MAPK14: variants seen among roughly 807,000 people sequenced by gnomAD.
The protein encoded by MAPK14 is CSAID-binding protein.
In MAPK14, 16 loss-of-function variants were observed where a neutral mutation model predicts 49.6. That is an observed-to-expected ratio of 0.32 (90% CI 0.22 to 0.49). The LOEUF (loss-of-function observed/expected upper bound fraction) is 0.49. Among genes scored for constraint, MAPK14 ranks in the 20% least tolerant of loss-of-function variants. The pLI is 0.99. For synonymous variants in MAPK14, 142 were observed against 158.0 expected (o/e 0.90, Z 0.76); for missense variants, 200 against 441.2 (o/e 0.45, Z 4.90).
intron 10 of MAPK14, among the ~76,000 whole-genome samples, chr6:36,106,288 A>C (rs1765794942): frequency 6.6e-6 from 1 of 152,184 alleles, no homozygotes; most frequent in African/African-American, 2.4e-5. Flanking sequence ...AAAGAAGCAA[A>C]ATCAGACACA....
rs531480091 is a variant in MAPK14, at chr6:36,101,548, C to T, written c.763-1023C>T. Among the ~76,000 whole-genome samples, 9 of 151,978 alleles carry T rather than the reference C, an allele frequency of 5.9e-5. No homozygotes were observed. The South Asian group carries it at 1.0e-3, about 18-fold the overall frequency. On this transcript the variant is annotated intron_variant, in intron 9 of 11. Transcript: ENST00000229794. ...TCACCCCAGCTGGAGTGCAGTGGCACGATCTTAGCTCACTGGAACCTCCAC... is the reference window on the plus strand; with the variant it reads ...TCACCCCAGCTGGAGTGCAGTGGCATGATCTTAGCTCACTGGAACCTCCAC...
intron 8 of MAPK14, among the ~76,000 whole-genome samples, chr6:36,085,960 C>G (rs1764967365): frequency 1.3e-5 from 2 of 152,202 alleles, no homozygotes; most frequent in African/African-American, 4.8e-5. Context: ...CACACAGCCT[C>G]TCACACCACA....
chr6:36,107,611 T>A lies in MAPK14; in HGVS notation c.998T>A (p.Leu333His). The A allele has an allele frequency of 6.3e-7, 1 of 1,577,516 alleles. No homozygotes were observed. Among genetic ancestry groups the A allele is most frequent in the Non-Finnish European group, 8.6e-7 (1 of 1,164,766 alleles). ...CAGTCCTTTGAAAGCAGGGACCTCCTTATAGATGAGTGGAAAAGTAAGTCC... is the reference window on the plus strand; with the variant it reads ...CAGTCCTTTGAAAGCAGGGACCTCCATATAGATGAGTGGAAAAGTAAGTCC... ...YDQSFESRDL[L>H]IDEWKSLTYD... Residue 333 changes from leucine (L) to histidine (H), a missense_variant, in exon 11 of 12, where the codon CTT (leucine) becomes CAT (histidine). By Grantham distance (99) the Leu-to-His change is moderately conservative. Around this residue, in one of 2 missense-constraint regions of MAPK14, gnomAD observed 170 missense variants for 407.0 expected, o/e 0.42. Transcript: ENST00000229794. This position sits in a 1 kb window ranked among gnomAD's most constrained non-coding sequence, Gnocchi z 4.3.
At chr6:36,040,402 G>C (rs905758798) in intron 1 of MAPK14, among the ~76,000 whole-genome samples, 3 of 152,144 alleles carry the variant, frequency 2.0e-5, no homozygotes, top group African/African-American at 4.8e-5. Flanking sequence ...ATTTGATTGA[G>C]TAAAAACTAG....
intron 9 of MAPK14, among the ~76,000 whole-genome samples, chr6:36,102,045 C>T (rs1349966749): frequency 1.3e-5 from 2 of 152,194 alleles, no homozygotes; most frequent in African/African-American, 4.8e-5. Context: ...TTCACTCCAA[C>T]CCTGTGAGGT....
At chr6:36,119,862 A>G in the MAPK14 span, among the ~76,000 whole-genome samples, 1 of 152,184 alleles carries the variant, frequency 6.6e-6, no homozygotes, top group African/African-American at 2.4e-5. Flanking sequence ...CTCACCAACA[A>G]CCTTAAGTGA....
intron 3 of MAPK14, among the ~76,000 whole-genome samples, chr6:36,071,101 G>T (rs1399732197): frequency 6.6e-6 from 1 of 152,074 alleles, no homozygotes. Flanking sequence ...GGGAGGCCAT[G>T]GTGGGTGGAT....
At chr6:36,044,492 C>A (rs1296708829) in intron 1 of MAPK14, among the ~76,000 whole-genome samples, 2 of 151,904 alleles carry the variant, frequency 1.3e-5, no homozygotes, top group African/African-American at 4.8e-5. Context: ...ATTTATTGAT[C>A]TGCCATTACC....
chr6:36,030,102 T>C (rs1762481345), intron 1 of MAPK14, among the ~76,000 whole-genome samples: 2 of 152,214 alleles, frequency 1.3e-5, no homozygotes, highest in South Asian at 2.1e-4. Flanking sequence ...TTTTCAATGC[T>C]ATTTAAATTT....
At chr6:36,045,683 C>G (rs568765588) in intron 1 of MAPK14, among the ~76,000 whole-genome samples, 1 of 151,936 alleles carries the variant, frequency 6.6e-6, no homozygotes, top group African/African-American at 2.4e-5. Context: ...GTGGCATGCA[C>G]CTGTAGTCCC....
At chr6:36,048,858 T>C (rs1481658094) in intron 1 of MAPK14, among the ~76,000 whole-genome samples, 1 of 152,198 alleles carries the variant, frequency 6.6e-6, no homozygotes, top group Non-Finnish European at 1.5e-5. Context: ...GAGTTTTCAA[T>C]ATATAGATGG....
intron 9 of MAPK14, chr6:36,096,419 A>T (rs1443299725): frequency 5.1e-6 from 1 of 197,714 alleles, no homozygotes; most frequent in Non-Finnish European, 1.0e-5. Context: ...CTTCTTTCTC[A>T]GAAGTTTCAC....
chr6:36,063,420 T>G (rs2127430630), intron 3 of MAPK14, among the ~76,000 whole-genome samples: 1 of 152,278 alleles, frequency 6.6e-6, no homozygotes, highest in East Asian at 1.9e-4. Context: ...AAACCCCTTC[T>G]CTACAAAAAA....
chr6:36,052,782 G>T lies in MAPK14; in HGVS notation c.200G>T (p.Arg67Ile). ...TTTCAGTCCATCATTCATGCGAAAA[G>T]AACCTACAGAGAACTGCGGTTACTT... The part of the protein sequence containing the change: ...RPFQSIIHAK[R>I]TYRELRLLKH... Residue 67 changes from arginine (R) to isoleucine (I), a missense_variant, in exon 2 of 12, where the codon AGA becomes ATA. Arg to Ile is a moderately conservative substitution (Grantham distance 97). Coordinates refer to ENST00000229794, the MANE Select transcript of MAPK14 (RefSeq NM_139012.3). The T allele has an allele frequency of 6.2e-7, 1 of 1,612,336 alleles. No individual in the cohort carries two copies. Among genetic ancestry groups the T allele is most frequent in the Non-Finnish European group, 8.5e-7 (1 of 1,179,026 alleles).
At chr6:36,050,692 A>G (rs529745836) in intron 1 of MAPK14, among the ~76,000 whole-genome samples, 232 of 152,296 alleles carry the variant, frequency 1.5e-3, no homozygotes, top group African/African-American at 4.8e-3. Context: ...AGCAGGAGGT[A>G]TTTTATAGAA....
chr6:36,102,774 A>G, intron 10 of MAPK14, 125 bp downstream of exon 10: 1 of 1,528,376 alleles, frequency 6.5e-7, no homozygotes, highest in Non-Finnish European at 8.8e-7. Context: ...GGAAGGTGAT[A>G]AATACGGCTT....
At chr6:36,080,104 A>G (rs895938140) in intron 8 of MAPK14, among the ~76,000 whole-genome samples, 1 of 151,708 alleles carries the variant, frequency 6.6e-6, no homozygotes, top group African/African-American at 2.4e-5. Flanking sequence ...CCACCATGTA[A>G]TTTTTGTATT....
chr6:36,083,964 C>T (rs73409844), intron 8 of MAPK14, among the ~76,000 whole-genome samples: 2,429 of 152,226 alleles, frequency 0.016, 59 homozygotes, highest in African/African-American at 0.054. Context: ...AGGTTGGTGC[C>T]CCTCTGGGAC....
chr6:36,052,918 G>T, intron 2 of MAPK14, 90 bp downstream of exon 2: 1 of 1,201,962 alleles, frequency 8.3e-7, no homozygotes, highest in Admixed American at 2.2e-5. Context: ...ATACGCTGGA[G>T]TGCATCAAAC....
Sources: gnomAD v4.1 joint callset for allele counts (sites outside exome capture counted in the v4.1 genomes callset) on GRCh38, gnomAD v4.1.1 for gene constraint, gnomAD v4.1.1 regional missense constraint, Gnocchi (gnomAD v3.1) non-coding constraint, MANE v1.5 for transcripts, NCBI Gene and HGNC (gene_info 2026-07-23, HGNC 2026-07-21) for gene names.